The following FAM153A variants were observed in gnomAD, a reference collection of about 807,000 sequenced individuals.
FAM153A encodes protein FAM153A.
FAM153A carries 12 observed loss-of-function variants against 48.1 expected under a neutral mutation model. The ratio of observed to expected loss-of-function variants is 0.25; its 90% CI spans 0.16 to 0.40. The LOEUF (loss-of-function observed/expected upper bound fraction) is 0.40, where lower values mean the gene tolerates loss of function less well. FAM153A is among the 10% of genes least tolerant of loss of function. The pLI is 1.00. For synonymous variants in FAM153A, 36 were observed against 118.2 expected (o/e 0.30, Z 4.51); for missense variants, 111 against 345.8 (o/e 0.32, Z 5.38).
At chr5:177,699,772 A>G in the FAM153A span, among the ~76,000 whole-genome samples, 1 of 152,048 alleles carries the variant, frequency 6.6e-6, no homozygotes, top group Non-Finnish European at 1.5e-5. Context: ...AATTCTACCA[A>G]ACATGTAAAG....
chr5:177,700,252 G>T, the FAM153A span, among the ~76,000 whole-genome samples: 11 of 151,898 alleles, frequency 7.2e-5, no homozygotes, highest in African/African-American at 1.2e-4. Flanking sequence ...TAGGGTAAAA[G>T]ATTGAGAGCT....
downstream of FAM153A, among the ~76,000 whole-genome samples, chr5:177,706,263 C>T (rs1318831142): frequency 6.6e-6 from 1 of 151,744 alleles, no homozygotes; most frequent in Admixed American, 6.5e-5. Context: ...GTGGCGCAGT[C>T]TCGGCTCACT....
intron 1 of FAM153A, among the ~76,000 whole-genome samples, chr5:177,768,439 T>C (rs1768883612): frequency 6.7e-6 from 1 of 148,634 alleles, no homozygotes; most frequent in South Asian, 2.2e-4. Context: ...CTCAACACTC[T>C]AATCAATCAT....
intron 18 of FAM153A, among the ~76,000 whole-genome samples, chr5:177,728,405 C>T (rs894061995): frequency 6.7e-6 from 1 of 149,408 alleles, no homozygotes; most frequent in Non-Finnish European, 1.5e-5. Flanking sequence ...AATGCACACA[C>T]ACTCACAAAG....
downstream of FAM153A, among the ~76,000 whole-genome samples, chr5:177,719,150 C>T (rs1481440400): frequency 6.6e-6 from 1 of 151,310 alleles, no homozygotes; most frequent in Non-Finnish European, 1.5e-5. Flanking sequence ...TACCAAAGTG[C>T]TGGGATTACA....
intron 10 of FAM153A, 124 bp from the exon 13 acceptor site, chr5:177,737,236 T>C (rs1764808790): frequency 6.3e-7 from 1 of 1,585,550 alleles, no homozygotes; most frequent in Non-Finnish European, 8.6e-7. Context: ...ACTCAGCTGC[T>C]GCCAGTCCAT....
the FAM153A span, among the ~76,000 whole-genome samples, chr5:177,699,517 T>G: frequency 6.6e-6 from 1 of 152,038 alleles, no homozygotes; most frequent in Non-Finnish European, 1.5e-5. Context: ...AAATTAGGAA[T>G]GAGAGTGTAG....
At chr5:177,735,400 T>A (rs1331146431) in intron 12 of FAM153A, among the ~76,000 whole-genome samples, 3 of 92,146 alleles carry the variant, frequency 3.3e-5, no homozygotes, top group African/African-American at 4.8e-5. Context: ...GAAAATAATT[T>A]TCCTACCATT....
At chr5:177,743,201 G>GTTTT (rs1191782624) in intron 6 of FAM153A, among the ~76,000 whole-genome samples, 1 of 86,474 alleles carries the variant, frequency 1.2e-5, no homozygotes, top group African/African-American at 3.9e-5. Context: ...TTTTTTTTTT[G>GTTTT]TTTTGTTTTT....
intron 12 of FAM153A, among the ~76,000 whole-genome samples, 187 bp from the exon 15 acceptor site, chr5:177,735,120 C>T (rs960080801): frequency 1.7e-5 from 2 of 120,732 alleles, no homozygotes; most frequent in African/African-American, 2.7e-5. Flanking sequence ...CAATCTCAAA[C>T]AGTGCACACC....
At chr5:177,754,654 CA>C (rs1388129899), upstream of FAM153A, among the ~76,000 whole-genome samples, 1 of 151,864 alleles carries the variant, frequency 6.6e-6, no homozygotes, top group Non-Finnish European at 1.5e-5. Context: ...GAGGAACAAT[CA>C]GGCAGCATCA....
At position 177,741,383 on chromosome 5, in the gene FAM153A, G is replaced by A. The variant is rs376405925; in HGVS notation, c.365-51C>T. The stretch of plus-strand genomic sequence containing the variant: ...CACGTTGGGTGCACTGAAGGAATCC[G>A]TCAGGCAGACTTGTGTGCTAAAAAC... On this transcript the variant is annotated intron_variant, in intron 6 of 20. Transcript: ENST00000614127. 52 of 596,970 alleles carry A rather than the reference G, an allele frequency of 8.7e-5. 1 individual carries two copies. Among genetic ancestry groups the A allele is most frequent in the Middle Eastern group, 4.2e-4 (1 of 2,400 alleles). 37.0% of individuals were successfully genotyped at this position (596,970 alleles called of 1,614,324 possible). A position where few individuals can be genotyped will look rare whatever the true frequency, so the allele number is the denominator to read the frequency against.
intron 10 of FAM153A, among the ~76,000 whole-genome samples, chr5:177,738,122 C>T (rs1422714901): frequency 6.6e-6 from 1 of 151,082 alleles, no homozygotes; most frequent in African/African-American, 2.5e-5. Flanking sequence ...CCTCTCCAAC[C>T]CAGCTGTATA....
intron 1 of FAM153A, chr5:177,753,075 G>A (rs1767243693): frequency 1.3e-6 from 1 of 790,828 alleles, no homozygotes; most frequent in Non-Finnish European, 2.1e-6. Flanking sequence ...TAGACAAATA[G>A]GAGCTGGGGA....
chr5:177,709,948 C>T (rs1349905912), downstream of FAM153A, among the ~76,000 whole-genome samples: 1 of 135,024 alleles, frequency 7.4e-6, no homozygotes, highest in Non-Finnish European at 1.6e-5. Context: ...CAGGCATGAG[C>T]CACCGCGCCC....
At chr5:177,709,713 C>T (rs1433924548), downstream of FAM153A, among the ~76,000 whole-genome samples, 1 of 116,510 alleles carries the variant, frequency 8.6e-6, no homozygotes, top group Non-Finnish European at 1.8e-5. Flanking sequence ...TCTTGTTGCT[C>T]GGGCCAGAGT....
At chr5:177,718,867 AAT>A (rs1313876385), downstream of FAM153A, among the ~76,000 whole-genome samples, 1 of 150,522 alleles carries the variant, frequency 6.6e-6, no homozygotes, top group Admixed American at 6.6e-5. Context: ...ATCAGACATA[AAT>A]GAGTCAATAA....
downstream of FAM153A, among the ~76,000 whole-genome samples, chr5:177,703,313 T>A (rs1757610132): frequency 6.6e-6 from 1 of 152,112 alleles, no homozygotes; most frequent in East Asian, 1.9e-4. Flanking sequence ...GTTTCAGACT[T>A]GCATGGGGCC....
intron 1 of FAM153A, among the ~76,000 whole-genome samples, chr5:177,761,263 C>T (rs1246721404): frequency 5.9e-5 from 9 of 151,800 alleles, no homozygotes; most frequent in East Asian, 1.9e-4. Context: ...TCGCTAGCAG[C>T]GAATTCCCAC....
Sources: allele counts gnomAD v4.1 joint callset (sites outside exome capture counted in the v4.1 genomes callset), GRCh38; gene constraint gnomAD v4.1.1; transcripts MANE v1.5; gene names NCBI Gene and HGNC (gene_info 2026-07-23, HGNC 2026-07-21).